LPGAT1: variants seen among roughly 807,000 people sequenced by gnomAD.
LPGAT1 encodes acyl-CoA:lysophosphatidylglycerol acyltransferase 1.
A neutral mutation model predicts 47.5 loss-of-function variants in LPGAT1; 11 were observed. The ratio of observed to expected loss-of-function variants is 0.23; its 90% CI spans 0.15 to 0.38. The LOEUF (loss-of-function observed/expected upper bound fraction) is 0.38. Among genes scored for constraint, LPGAT1 ranks in the 10% least tolerant of loss-of-function variants. The pLI is 1.00. For missense variants in LPGAT1, 293 were observed against 439.0 expected, an observed-to-expected ratio of 0.67 and a Z score of 2.97; for synonymous variants, 138 against 144.2, an observed-to-expected ratio of 0.96 and a Z score of 0.31.
At chr1:211,803,620 A>G (rs973613051) in intron 2 of LPGAT1, among the ~76,000 whole-genome samples, 1 of 152,230 alleles carries the variant, frequency 6.6e-6, no homozygotes, top group African/African-American at 2.4e-5. Context: ...CAGGAAAGTA[A>G]AAGTGAACAG....
At position 211,744,398 on chromosome 1, in the gene LPGAT1, C is replaced by G. The variant is rs1038837035; in HGVS notation, c.*5501G>C. ...TCGGCTTAATGAGTCTAATATGTAC[C>G]ATGGTAAGAAACAGTTTTAACAGTA... On this transcript the variant is annotated 3_prime_UTR_variant, in exon 8 of 8. Transcript: ENST00000366997. 2 of 151,976 alleles carry G rather than the reference C, an allele frequency of 1.3e-5. No individual in the cohort carries two copies. Among genetic ancestry groups the G allele is most frequent in the Admixed American group, 6.5e-5 (1 of 15,274 alleles). 9.4% of individuals were successfully genotyped at this position (151,976 alleles called of 1,614,324 possible).
At chr1:211,800,423 G>A (rs956548830) in intron 2 of LPGAT1, among the ~76,000 whole-genome samples, 11 of 152,048 alleles carry the variant, frequency 7.2e-5, no homozygotes, top group African/African-American at 2.7e-4. Context: ...GCCTATCTAT[G>A]TAAAACAAAT....
Position 211,830,495 on chromosome 1 carries a change from C to T in LPGAT1, c.-28+78G>A, listed in dbSNP as rs1660699496. ...CCCGGGCCACGCGACGACGACACCC[C>T]CTTCCCCGCCCCCAGCGCCTCCCCT... On this transcript the variant is annotated intron_variant, in intron 1 of 7. Transcript: ENST00000366997. The surrounding 1 kb of genome is among the most constrained non-coding windows in gnomAD (Gnocchi z 5.9). 1 of 1,194,342 alleles carries T rather than the reference C, an allele frequency of 8.4e-7. No homozygotes were observed. The highest frequency in any genetic ancestry group is 1.0e-6 in the Non-Finnish European group (1 of 962,700). 74.0% of individuals were successfully genotyped at this position (1,194,342 alleles called of 1,614,324 possible). A position where few individuals can be genotyped will look rare whatever the true frequency, so the allele number is the denominator to read the frequency against.
intron 6 of LPGAT1, among the ~76,000 whole-genome samples, chr1:211,756,505 G>A (rs60200148): frequency 0.022 from 3,420 of 152,138 alleles, 130 homozygotes; most frequent in African/African-American, 0.077. Context: ...TTTTTTTGTT[G>A]TTGTGTTTTG....
intron 6 of LPGAT1, among the ~76,000 whole-genome samples, chr1:211,756,961 A>T (rs1657487179): frequency 6.6e-6 from 1 of 151,372 alleles, no homozygotes; most frequent in South Asian, 2.1e-4. Flanking sequence ...CTAGTGATTA[A>T]GCATACAAAC....
chr1:211,759,282 G>C (rs990240903), intron 6 of LPGAT1, among the ~76,000 whole-genome samples: 2 of 150,382 alleles, frequency 1.3e-5, no homozygotes, highest in Non-Finnish European at 3.0e-5. Flanking sequence ...GGTTTTTTTA[G>C]AGACGGGGTC....
rs926231474 is a variant in LPGAT1 at position 211,743,839 on chromosome 1, G to A, written c.*6060C>T. The A allele has an allele frequency of 3.9e-5, 6 of 152,274 alleles. No individual in the cohort carries two copies. The East Asian group carries it at 9.6e-4, about 24-fold the overall frequency. The allele number at this position is 152,274 out of a possible 1,614,324, so 9.4% of individuals were successfully genotyped here. ...AGAAAAATAAGAGGTAGACACGACT[G>A]TAACGATTTAACTCATTTGGTAGAC... On this transcript the variant is annotated 3_prime_UTR_variant, in exon 8 of 8. Transcript: ENST00000366997.
At chr1:211,775,208 T>C (rs574421121) in intron 6 of LPGAT1, among the ~76,000 whole-genome samples, 4 of 152,154 alleles carry the variant, frequency 2.6e-5, no homozygotes, top group Non-Finnish European at 5.9e-5. Flanking sequence ...ACCCAGCTAT[T>C]TGTGAGGCTG....
rs367651318 is a variant in LPGAT1 at position 211,758,519 on chromosome 1, C to A, written c.855-7452G>T. On this transcript the variant is annotated intron_variant, in intron 6 of 7. Transcript: ENST00000366997. ...GAGATGGAGACCATCCTGGCTAACA[C>A]GGTGAAACCCCATCTCTACTAAAAA... Among the ~76,000 whole-genome samples the A allele has an allele frequency of 3.0e-4, 46 of 152,096 alleles. 1 individual carries two copies. In the South Asian group the frequency reaches 9.0e-3, roughly 30 times the overall value.
At chr1:211,770,187 A>C (rs1658104208) in intron 6 of LPGAT1, among the ~76,000 whole-genome samples, 1 of 152,228 alleles carries the variant, frequency 6.6e-6, no homozygotes, top group African/African-American at 2.4e-5. Flanking sequence ...AATATCTTGC[A>C]GTAATATCCT....
intron 6 of LPGAT1, among the ~76,000 whole-genome samples, chr1:211,773,370 T>G (rs1443792916): frequency 6.6e-6 from 1 of 152,186 alleles, no homozygotes. Context: ...TTAAAAAATA[T>G]TAATATTTCT....
chr1:211,801,791 A>G (rs1278443247), intron 2 of LPGAT1, among the ~76,000 whole-genome samples: 3 of 143,192 alleles, frequency 2.1e-5, no homozygotes, highest in Non-Finnish European at 3.2e-5. Flanking sequence ...GAGAAGAGAA[A>G]AGAAAAGAAA....
At chr1:211,821,304 T>C (rs990842403) in intron 2 of LPGAT1, among the ~76,000 whole-genome samples, 14 of 152,190 alleles carry the variant, frequency 9.2e-5, no homozygotes, top group African/African-American at 3.1e-4. Context: ...TCTGAAAATG[T>C]TGTAAGAATA....
At chr1:211,788,183 T>C (rs1250714795) in intron 3 of LPGAT1, among the ~76,000 whole-genome samples, 1 of 152,182 alleles carries the variant, frequency 6.6e-6, no homozygotes, top group Non-Finnish European at 1.5e-5. Flanking sequence ...AAATGTAGTG[T>C]CCCAAATAAA....
At chr1:211,774,548 T>C (rs1658313062) in intron 6 of LPGAT1, among the ~76,000 whole-genome samples, 1 of 152,180 alleles carries the variant, frequency 6.6e-6, no homozygotes, top group Non-Finnish European at 1.5e-5. Flanking sequence ...TTGCCACAAA[T>C]TTTCTGAGGA....
intron 4 of LPGAT1, 51 bp downstream of exon 4, chr1:211,787,581 G>A: frequency 1.1e-6 from 1 of 939,534 alleles, no homozygotes; most frequent in Non-Finnish European, 1.6e-6. Context: ...TTATAATCAA[G>A]AATCAATTTG....
Position 211,830,577 on chromosome 1 carries a change from G to A in LPGAT1, c.-32C>T. ...GACCGCGGAGCCGGAGGTTACCTCG[G>A]GCTGGCCGGGCCCCAGCCGGGGCTT... On this transcript the variant is annotated 5_prime_UTR_variant, in exon 1 of 8. Transcript: ENST00000366997. This position sits in a 1 kb window ranked among gnomAD's most constrained non-coding sequence, Gnocchi z 5.9. The A allele has an allele frequency of 8.3e-7, 1 of 1,207,496 alleles. No individual in the cohort carries two copies. The highest frequency in any genetic ancestry group is 1.0e-6 in the Non-Finnish European group (1 of 972,182). 74.8% of individuals were successfully genotyped at this position (1,207,496 alleles called of 1,614,324 possible). A position where few individuals can be genotyped will look rare whatever the true frequency, so the allele number is the denominator to read the frequency against.
At chr1:211,762,385 T>C (rs1193922520) in intron 6 of LPGAT1, among the ~76,000 whole-genome samples, 1 of 152,228 alleles carries the variant, frequency 6.6e-6, no homozygotes, top group African/African-American at 2.4e-5. Context: ...TCTTCTACCA[T>C]CTGCCCAGAA....
chr1:211,755,494 T>TG (rs1657402637), intron 6 of LPGAT1, among the ~76,000 whole-genome samples: 1 of 151,948 alleles, frequency 6.6e-6, no homozygotes, highest in Non-Finnish European at 1.5e-5. Flanking sequence ...TATTTAAACA[T>TG]TTAAATATCA....
Sources: gnomAD v4.1 joint callset for allele counts (sites outside exome capture counted in the v4.1 genomes callset) on GRCh38, gnomAD v4.1.1 for gene constraint, Gnocchi (gnomAD v3.1) non-coding constraint, MANE v1.5 for transcripts, NCBI Gene and HGNC (gene_info 2026-07-23, HGNC 2026-07-21) for gene names.